Variants in RERE observed in about 807,000 individuals in gnomAD.
The protein encoded by RERE is arginine-glutamic acid dipeptide repeats.
In RERE, 40 loss-of-function variants were observed where a neutral mutation model predicts 146.1. The observed-to-expected ratio is 0.27, with a 90% CI of 0.21 to 0.36. The LOEUF (loss-of-function observed/expected upper bound fraction) is 0.36, where lower values mean the gene tolerates loss of function less well. Among genes scored for constraint, RERE ranks in the 10% least tolerant of loss-of-function variants. RERE has a pLI of 1.00. For synonymous variants in RERE, 1,003 were observed against 866.0 expected (o/e 1.16, Z -2.78); for missense variants, 1,933 against 2,138.7 (o/e 0.90, Z 1.90).
At chr1:8,595,482 T>C (rs1301646606) in intron 4 of RERE, among the ~76,000 whole-genome samples, 2 of 151,684 alleles carry the variant, frequency 1.3e-5, no homozygotes, top group Non-Finnish European at 2.9e-5. Flanking sequence ...TTTTTATGTA[T>C]TATTTTAATG....
At chr1:8,552,260 C>A (rs904975506) in intron 6 of RERE, among the ~76,000 whole-genome samples, 1 of 152,200 alleles carries the variant, frequency 6.6e-6, no homozygotes, top group African/African-American at 2.4e-5. Context: ...AACTCTAGCA[C>A]CAGCTTGAAA....
At chr1:8,585,579 A>G (rs1646418323) in intron 4 of RERE, among the ~76,000 whole-genome samples, 1 of 152,214 alleles carries the variant, frequency 6.6e-6, no homozygotes, top group Non-Finnish European at 1.5e-5. Flanking sequence ...GATAGTAAGG[A>G]AACTATCAAA....
intron 2 of RERE, among the ~76,000 whole-genome samples, chr1:8,639,629 A>T (rs565781503): frequency 5.3e-5 from 8 of 152,322 alleles, no homozygotes; most frequent in African/African-American, 1.9e-4. Flanking sequence ...ACCAGATGCA[A>T]ACTTCAAAAC....
At chr1:8,573,641 T>C (rs1646251635) in intron 4 of RERE, among the ~76,000 whole-genome samples, 1 of 152,202 alleles carries the variant, frequency 6.6e-6, no homozygotes. Context: ...AACTTTTCTA[T>C]TCAAATTATT....
chr1:8,538,425 A>G (rs1645754649), intron 7 of RERE, among the ~76,000 whole-genome samples: 1 of 152,236 alleles, frequency 6.6e-6, no homozygotes, highest in Non-Finnish European at 1.5e-5. Flanking sequence ...GGGAATTCTA[A>G]GAACTGGGCT....
At chr1:8,683,771 C>T (rs550466758) in intron 1 of RERE, among the ~76,000 whole-genome samples, 2 of 152,190 alleles carry the variant, frequency 1.3e-5, no homozygotes, top group African/African-American at 4.8e-5. Context: ...GGCAAAACCC[C>T]ATCTCTACTA....
intron 11 of RERE, among the ~76,000 whole-genome samples, chr1:8,432,906 T>C (rs1037894266): frequency 6.6e-6 from 1 of 152,230 alleles, no homozygotes; most frequent in Admixed American, 6.5e-5. Context: ...AACACTGTTT[T>C]ATATCTATTC....
intron 2 of RERE, among the ~76,000 whole-genome samples, chr1:8,634,125 T>C (rs908857319): frequency 6.6e-5 from 10 of 152,144 alleles, no homozygotes; most frequent in Non-Finnish European, 1.3e-4. Flanking sequence ...TCCTCTCCTA[T>C]AGACACATTC....
chr1:8,457,989 A>AT (rs1302641451), intron 11 of RERE, among the ~76,000 whole-genome samples: 1 of 152,072 alleles, frequency 6.6e-6, no homozygotes, highest in East Asian at 1.9e-4. Flanking sequence ...TAGGGTTCTC[A>AT]TTTTTCACTT....
intron 1 of RERE, among the ~76,000 whole-genome samples, chr1:8,747,145 G>A (rs1640438963): frequency 6.6e-6 from 1 of 151,930 alleles, no homozygotes; most frequent in South Asian, 2.1e-4. Context: ...GGGACTACAG[G>A]GGCCCACCAC....
At chr1:8,593,357 C>T (rs6697429) in intron 4 of RERE, among the ~76,000 whole-genome samples, 3,001 of 152,200 alleles carry the variant, frequency 0.02, 95 homozygotes, top group African/African-American at 0.069. Context: ...TGGGAGGTGA[C>T]TGAATCATGG....
intron 12 of RERE, among the ~76,000 whole-genome samples, chr1:8,378,245 C>T (rs892298737): frequency 1.3e-5 from 2 of 152,214 alleles, no homozygotes; most frequent in Admixed American, 1.3e-4. Flanking sequence ...TTGGACTTCA[C>T]CTAAGGCAAA....
chr1:8,497,809 C>T (rs1645064943), intron 8 of RERE, among the ~76,000 whole-genome samples: 1 of 152,084 alleles, frequency 6.6e-6, no homozygotes, highest in African/African-American at 2.4e-5. Flanking sequence ...CTGAAGCACA[C>T]ACATATGCAT....
At chr1:8,677,165 C>A (rs1430921033) in intron 1 of RERE, among the ~76,000 whole-genome samples, 1 of 152,122 alleles carries the variant, frequency 6.6e-6, no homozygotes, top group African/African-American at 2.4e-5. Flanking sequence ...CATGGTGGCT[C>A]CCATCTGTAA....
rs566381606 is a variant in RERE at position 8,774,596 on chromosome 1, G to C, written c.-145+42564C>G. ...CTTGAACTCCCAACCTCAGCTGATC[G>C]ACCCGCCTCGGCCTCCCAAACTGCT... On this transcript the variant is annotated intron_variant, in intron 1 of 22. Transcript: ENST00000400908. 2.6e-3 allele frequency among the ~76,000 whole-genome samples: 388 copies of C among 151,758 alleles called. 3 individuals are homozygous for C. The highest frequency in any genetic ancestry group is 8.8e-3 in the African/African-American group (366 of 41,376).
intron 12 of RERE, among the ~76,000 whole-genome samples, chr1:8,377,479 C>T (rs1023521133): frequency 1.3e-5 from 2 of 152,088 alleles, no homozygotes; most frequent in Admixed American, 6.6e-5. Flanking sequence ...TTCATTATTT[C>T]CTGAATTCAT....
chr1:8,498,768 CATAT>C (rs368778886), intron 8 of RERE, among the ~76,000 whole-genome samples: 15 of 139,182 alleles, frequency 1.1e-4, no homozygotes, highest in African/African-American at 4.7e-4. Context: ...CACACACACA[CATAT>C]GTAGTTGAAT....
At chr1:8,781,838 C>G (rs1641171286) in intron 1 of RERE, among the ~76,000 whole-genome samples, 1 of 151,948 alleles carries the variant, frequency 6.6e-6, no homozygotes, top group South Asian at 2.1e-4. Flanking sequence ...CATGCAACAT[C>G]TTAATATAAA....
Position 8,356,083 on chromosome 1 carries a change from T to G in RERE, c.4486+17A>C. 1.4e-6 allele frequency: 2 copies of G among 1,480,422 alleles called. No individual in the cohort carries two copies. Among genetic ancestry groups the G allele is most frequent in the Non-Finnish European group, 1.8e-6 (2 of 1,118,654 alleles). 91.7% of individuals were successfully genotyped at this position (1,480,422 alleles called of 1,614,324 possible). A position where few individuals can be genotyped will look rare whatever the true frequency, so the allele number is the denominator to read the frequency against. Reference sequence around the variant, plus strand: ...CCTCACACGGCCTCCCCGCCCCTCCTGGAGGGGAAGTCTTACCGAAAACTG... The same window carrying G: ...CCTCACACGGCCTCCCCGCCCCTCCGGGAGGGGAAGTCTTACCGAAAACTG... On this transcript the variant is annotated intron_variant, in intron 21 of 22. Transcript: ENST00000400908. The surrounding 1 kb of genome is among the most constrained non-coding windows in gnomAD (Gnocchi z 5.2).
Sources: allele counts gnomAD v4.1 joint callset (sites outside exome capture counted in the v4.1 genomes callset), GRCh38; gene constraint gnomAD v4.1.1; non-coding constraint Gnocchi (gnomAD v3.1); transcripts MANE v1.5; gene names NCBI Gene and HGNC (gene_info 2026-07-23, HGNC 2026-07-21).